Variants in PLAC1 observed in about 807,000 individuals in gnomAD.
PLAC1 encodes the protein placenta associated 1.
For synonymous variants in PLAC1, 68 were observed against 62.1 expected (o/e 1.09, Z -0.44); for missense variants, 136 against 163.2 (o/e 0.83, Z 0.91).
intron 1 of PLAC1, among the ~76,000 whole-genome samples, chrX:134,635,550 G>A (rs1273850262): frequency 2.7e-5 from 3 of 111,275 alleles, no homozygotes; most frequent in African/African-American, 9.8e-5. Flanking sequence ...ATGTTGCCCA[G>A]GCTGGTCTTG....
At chrX:134,598,203 T>A (rs1196115067) in intron 2 of PLAC1, among the ~76,000 whole-genome samples, 1 of 112,250 alleles carries the variant, frequency 8.9e-6, no homozygotes, top group Non-Finnish European at 1.9e-5. Context: ...ACTCACATTT[T>A]AATACGTTGT....
intron 2 of PLAC1, among the ~76,000 whole-genome samples, chrX:134,600,671 T>C (rs2078084536): frequency 9.1e-6 from 1 of 109,414 alleles, no homozygotes; most frequent in Non-Finnish European, 1.9e-5. Context: ...TTTTTAAGGA[T>C]GAAGATTTGA....
intron 1 of PLAC1, among the ~76,000 whole-genome samples, chrX:134,654,111 T>C (rs2078376893): frequency 8.9e-6 from 1 of 111,872 alleles, no homozygotes. Context: ...GAGGAGGCAA[T>C]CATCTCTGGA....
intron 2 of PLAC1, among the ~76,000 whole-genome samples, chrX:134,598,002 C>T (rs1052041169): frequency 9.0e-6 from 1 of 111,592 alleles, no homozygotes; most frequent in African/African-American, 3.3e-5. Flanking sequence ...TCTATCTTCT[C>T]TCCACCTTTC....
At chrX:134,745,451 G>A (rs762876559) in intron 1 of PLAC1, among the ~76,000 whole-genome samples, 145 of 111,768 alleles carry the variant, frequency 1.3e-3, no homozygotes, top group African/African-American at 4.6e-3. Flanking sequence ...CTATACTTAC[G>A]TTAAACAATG....
At chrX:134,738,704 T>C (rs2078709886) in intron 1 of PLAC1, among the ~76,000 whole-genome samples, 1 of 112,594 alleles carries the variant, frequency 8.9e-6, no homozygotes, top group Non-Finnish European at 1.9e-5. Context: ...GGCTTTGTTT[T>C]TGGGCTCCAC....
chrX:134,566,899 C>T (rs888381959), intron 2 of PLAC1, among the ~76,000 whole-genome samples, 159 bp from the exon 3 acceptor site: 1 of 112,512 alleles, frequency 8.9e-6, no homozygotes, highest in African/African-American at 3.2e-5. Flanking sequence ...TTGGAACTCA[C>T]GTGTTTATGG....
chrX:134,682,899 TAGG>T (rs1377763756), intron 2 of PLAC1, among the ~76,000 whole-genome samples: 2 of 111,451 alleles, frequency 1.8e-5, no homozygotes, highest in African/African-American at 6.5e-5. Context: ...TCAGATGGCC[TAGG>T]AGAAGTGCCC....
intron 2 of PLAC1, among the ~76,000 whole-genome samples, chrX:134,590,037 T>A (rs867990368): frequency 1.1e-5 from 1 of 93,707 alleles, no homozygotes; most frequent in Non-Finnish European, 2.2e-5. Context: ...GTACTAAAAA[T>A]ACAAAAAATT....
At chrX:134,761,437 G>A (rs1249826762) in intron 1 of PLAC1, among the ~76,000 whole-genome samples, 2 of 112,015 alleles carry the variant, frequency 1.8e-5, no homozygotes, top group African/African-American at 3.3e-5. Flanking sequence ...GCCAGGGTTC[G>A]GGATCGGGGG....
At chrX:134,604,987 C>T (rs1180183143) in intron 1 of PLAC1, among the ~76,000 whole-genome samples, 1 of 111,280 alleles carries the variant, frequency 9.0e-6, no homozygotes, top group Non-Finnish European at 1.9e-5. Flanking sequence ...AGCACCCCCA[C>T]CCCTGCACCC....
At chrX:134,714,122 C>G (rs2078636333) in intron 2 of PLAC1, among the ~76,000 whole-genome samples, 2 of 112,204 alleles carry the variant, frequency 1.8e-5, no homozygotes, top group Non-Finnish European at 3.8e-5. Flanking sequence ...TTACCTCCTC[C>G]TTCCCTTTTG....
At chrX:134,751,165 G>A (rs2078744345) in intron 1 of PLAC1, among the ~76,000 whole-genome samples, 1 of 101,950 alleles carries the variant, frequency 9.8e-6, no homozygotes, top group Non-Finnish European at 2.0e-5. Context: ...GAATTATAAT[G>A]AAATAAAGCT....
intron 2 of PLAC1, among the ~76,000 whole-genome samples, chrX:134,678,654 C>G (rs1331747090): frequency 8.9e-6 from 1 of 111,849 alleles, no homozygotes; most frequent in Non-Finnish European, 1.9e-5. Flanking sequence ...AGATCAAGGA[C>G]TTTGCTTTGT....
At chrX:134,719,115 G>T (rs977148625) in intron 2 of PLAC1, among the ~76,000 whole-genome samples, 1 of 111,833 alleles carries the variant, frequency 8.9e-6, no homozygotes, top group African/African-American at 3.3e-5. Context: ...TGTGTGTGGG[G>T]TTTCCTTTTG....
chrX:134,585,986 T>C (rs1481315809), intron 2 of PLAC1, among the ~76,000 whole-genome samples: 1 of 112,359 alleles, frequency 8.9e-6, no homozygotes, highest in Non-Finnish European at 1.9e-5. Context: ...ACATGCTGTT[T>C]TGATGGAACT....
intron 2 of PLAC1, among the ~76,000 whole-genome samples, chrX:134,721,691 C>T (rs2078657726): frequency 9.2e-6 from 1 of 108,968 alleles, no homozygotes; most frequent in Non-Finnish European, 1.9e-5. Context: ...GATGAAACCC[C>T]GTCTCTACTA....
intron 2 of PLAC1, among the ~76,000 whole-genome samples, chrX:134,574,039 T>C (rs2077924250): frequency 9.1e-6 from 1 of 109,990 alleles, no homozygotes. Flanking sequence ...ATGAGGACAT[T>C]GTAGGAAGAT....
At chrX:134,703,152 G>T (rs1013046748) in intron 2 of PLAC1, among the ~76,000 whole-genome samples, 8 of 111,820 alleles carry the variant, frequency 7.2e-5, no homozygotes, top group African/African-American at 2.6e-4. Flanking sequence ...TGAAAGCAAT[G>T]TATTATGAAT....
Sources: allele counts gnomAD v4.1 joint callset (sites outside exome capture counted in the v4.1 genomes callset), GRCh38; gene constraint gnomAD v4.1.1; transcripts MANE v1.5; gene names NCBI Gene and HGNC (gene_info 2026-07-23, HGNC 2026-07-21).